KIF6: variants seen among roughly 807,000 people sequenced by gnomAD.
KIF6 encodes kinesin-like protein KIF6.
KIF6 carries 106 observed loss-of-function variants against 112.7 expected under a neutral mutation model. The ratio of observed to expected loss-of-function variants is 0.94; its 90% confidence interval spans 0.80 to 1.11. KIF6 has a LOEUF of 1.11. Among genes scored for constraint, KIF6 ranks in the 50% least tolerant of loss-of-function variants. The probability of loss-of-function intolerance (pLI) is 0.00; values close to 1 mark genes in which losing one functional copy is unlikely to be tolerated. For synonymous variants in KIF6, 339 were observed against 339.9 expected (o/e 1.00, Z 0.03); for missense variants, 929 against 964.0 (o/e 0.96, Z 0.48).
In KIF6 at chr6:39,538,642, T is replaced by C. The variant is rs1409872462; in HGVS notation, c.1645+1361A>G. Among the ~76,000 whole-genome samples the C allele has an allele frequency of 4.7e-5, 7 of 150,152 alleles. No individual in the cohort carries two copies. The South Asian group carries it at 1.1e-3, about 23-fold the overall frequency. ...TGGGACTGTAAACTAGTTCAACCAT[T>C]GTGGAAGTCAGTGTGGCCATTCCTC... On this transcript the variant is annotated intron_variant, in intron 13 of 22. Transcript: ENST00000287152.
intron 13 of KIF6, among the ~76,000 whole-genome samples, chr6:39,528,782 A>G (rs1293501742): frequency 6.6e-6 from 1 of 152,246 alleles, no homozygotes; most frequent in African/African-American, 2.4e-5. Flanking sequence ...TAATATTGTT[A>G]AAATGTCCAT....
intron 3 of KIF6, among the ~76,000 whole-genome samples, chr6:39,662,037 T>C (rs1009226408): frequency 6.6e-6 from 1 of 152,232 alleles, no homozygotes; most frequent in Non-Finnish European, 1.5e-5. Flanking sequence ...AAACCCATAC[T>C]CTTAATAACA....
rs1212794740 is a variant in KIF6 at position 39,346,085 on chromosome 6, T to TCTCTCTCTCCC, written c.2232-297_2232-296insGGGAGAGAGAG. 1.9e-4 allele frequency among the ~76,000 whole-genome samples: 4 copies of TCTCTCTCTCCC among 21,598 alleles called. 1 individual carries two copies. The highest frequency in any genetic ancestry group is 2.4e-4 in the Non-Finnish European group (3 of 12,474). 14.2% of individuals were successfully genotyped at this position (21,598 alleles called of 152,430 possible). ...CTCTCTCTCTCTCTCTCTCTCTCTC[T>TCTCTCTCTCCC]CCCCCCCCTCTCCCTCCCCCCCTCC... is the stretch of plus-strand genomic sequence containing the variant. On this transcript the variant is annotated intron_variant, in intron 20 of 22. Coordinates refer to ENST00000287152, the MANE Select transcript of KIF6 (RefSeq NM_145027.6).
intron 3 of KIF6, among the ~76,000 whole-genome samples, chr6:39,673,861 G>A (rs1283432337): frequency 6.6e-6 from 1 of 152,114 alleles, no homozygotes; most frequent in Non-Finnish European, 1.5e-5. Flanking sequence ...CTCTTTCACT[G>A]AAAACTGTTT....
At position 39,586,386 on chromosome 6, in the gene KIF6, C is replaced by A; in HGVS notation, c.865G>T (p.Glu289Ter). 1 of 1,614,002 alleles carries A rather than the reference C, an allele frequency of 6.2e-7. No homozygotes were observed. The highest frequency in any genetic ancestry group is 8.5e-7 in the Non-Finnish European group (1 of 1,179,932). ...YLEQVIIALS[E>*]KHRSHIPYRN... is the part of the protein sequence containing the mutation. Reference sequence around the variant, plus strand: ...TAAGGAATGTGCGAACGGTGCTTTTCTGAAAGGGCAATGATAACCTGTGGT... The same window carrying A: ...TAAGGAATGTGCGAACGGTGCTTTTATGAAAGGGCAATGATAACCTGTGGT... The change falls in exon 8 of 23, where the codon GAA becomes TAA. Residue 289 changes from glutamate (E) to a stop codon, truncating the protein, a stop_gained. Transcript: ENST00000287152. LOFTEE classifies it high-confidence loss of function.
chr6:39,497,534 T>C lies in KIF6; in HGVS notation c.1645+42469A>G, dbSNP rs77509081. On this transcript the variant is annotated intron_variant, in intron 13 of 22. Coordinates refer to ENST00000287152, the MANE Select transcript of KIF6 (RefSeq NM_145027.6). Reference sequence around the variant, plus strand: ...CATGTGTTTACCAATCAATCAACTGTAGCACAAAGCCCAGTGTTCAGGGGT... The same window carrying C: ...CATGTGTTTACCAATCAATCAACTGCAGCACAAAGCCCAGTGTTCAGGGGT... 7.2e-5 allele frequency among the ~76,000 whole-genome samples: 11 copies of C among 152,306 alleles called. No individual in the cohort carries two copies. The East Asian group carries it at 2.1e-3, about 29-fold the overall frequency.
intron 8 of KIF6, 68 bp downstream of exon 8, chr6:39,586,193 T>C: frequency 6.4e-7 from 1 of 1,560,056 alleles, no homozygotes; most frequent in Non-Finnish European, 8.8e-7. Flanking sequence ...CCCAAGAGCC[T>C]CAACTCCGTC....
intron 22 of KIF6, among the ~76,000 whole-genome samples, chr6:39,337,154 CTTTTCTTTCTTTCCTTCCT>C (rs1439992375): frequency 0.029 from 2,161 of 73,902 alleles, 212 homozygotes; most frequent in African/African-American, 0.084. Context: ...CTTTCTCTTT[CTTTTCTTTCTTTCCTTCCT>C]TCTTTCTTTC....
chr6:39,540,481 A>G (rs1017636392), intron 12 of KIF6, among the ~76,000 whole-genome samples: 4 of 152,256 alleles, frequency 2.6e-5, no homozygotes, highest in African/African-American at 9.6e-5. Flanking sequence ...ACATCTTAAC[A>G]ATCTTATGAA....
intron 13 of KIF6, among the ~76,000 whole-genome samples, chr6:39,509,677 GA>G (rs1776648462): frequency 6.6e-6 from 1 of 152,098 alleles, no homozygotes; most frequent in Non-Finnish European, 1.5e-5. Flanking sequence ...GACAAGAATA[GA>G]GAAAAAAGAG....
At chr6:39,539,001 G>T (rs1241002992) in intron 13 of KIF6, among the ~76,000 whole-genome samples, 3 of 147,730 alleles carry the variant, frequency 2.0e-5, no homozygotes, top group Non-Finnish European at 4.4e-5. Flanking sequence ...CTCACTCATA[G>T]GTGGGAATTG....
At chr6:39,338,950 T>A (rs1182201178) in intron 22 of KIF6, among the ~76,000 whole-genome samples, 6 of 13,462 alleles carry the variant, frequency 4.5e-4, no homozygotes, top group East Asian at 2.7e-3. Flanking sequence ...TGACAGGGGG[T>A]GGGTGGGGTG....
chr6:39,652,441 C>G (rs1201167192), intron 3 of KIF6, among the ~76,000 whole-genome samples: 1 of 151,694 alleles, frequency 6.6e-6, no homozygotes, highest in Non-Finnish European at 1.5e-5. Flanking sequence ...GCAGGAAAAT[C>G]GCTTGAACCT....
chr6:39,516,299 G>GAT (rs894232710), intron 13 of KIF6, among the ~76,000 whole-genome samples: 13 of 150,264 alleles, frequency 8.7e-5, no homozygotes, highest in African/African-American at 2.2e-4. Context: ...TGTTTCAATG[G>GAT]ATATATATAT....
chr6:39,379,188 G>A (rs1164741614), intron 16 of KIF6, among the ~76,000 whole-genome samples: 1 of 152,152 alleles, frequency 6.6e-6, no homozygotes, highest in South Asian at 2.1e-4. Context: ...GTAACTCTGG[G>A]TGCCTCTTTT....
intron 3 of KIF6, among the ~76,000 whole-genome samples, chr6:39,671,941 C>T (rs1324829498): frequency 6.6e-6 from 1 of 152,168 alleles, no homozygotes; most frequent in East Asian, 1.9e-4. Flanking sequence ...TGGTCACAGT[C>T]TCAGTGAGTG....
At chr6:39,600,803 C>T (rs1053096850) in intron 6 of KIF6, among the ~76,000 whole-genome samples, 2 of 152,192 alleles carry the variant, frequency 1.3e-5, no homozygotes, top group African/African-American at 4.8e-5. Context: ...CACCAAAAAT[C>T]TCAGAATTTG....
chr6:39,362,216 G>A (rs1020330451), intron 17 of KIF6, among the ~76,000 whole-genome samples: 8 of 152,120 alleles, frequency 5.3e-5, no homozygotes, highest in Non-Finnish European at 7.4e-5. Flanking sequence ...GCTGCTTCCC[G>A]GGCCTGGCTT....
chr6:39,559,766 C>G (rs1779913441), intron 10 of KIF6, among the ~76,000 whole-genome samples: 1 of 151,724 alleles, frequency 6.6e-6, no homozygotes, highest in Non-Finnish European at 1.5e-5. Flanking sequence ...CCAAGTCTAT[C>G]CACCTTAACT....
Sources: allele counts gnomAD v4.1 joint callset (sites outside exome capture counted in the v4.1 genomes callset), GRCh38; gene constraint gnomAD v4.1.1; transcripts MANE v1.5; gene names NCBI Gene and HGNC (gene_info 2026-07-23, HGNC 2026-07-21).